The following SEZ6L variants were observed in gnomAD, a reference collection of about 807,000 sequenced individuals.
SEZ6L encodes seizure related 6 homolog like.
A neutral mutation model predicts 106.2 loss-of-function variants in SEZ6L; 37 were observed. That is an observed-to-expected ratio of 0.35 (90% CI 0.27 to 0.46). The LOEUF (loss-of-function observed/expected upper bound fraction) is 0.46. SEZ6L is among the 20% of genes least tolerant of loss of function. The pLI, the probability that SEZ6L is intolerant of heterozygous loss-of-function variation, is 1.00. For missense variants in SEZ6L, 1,172 were observed against 1,332.8 expected, an observed-to-expected ratio of 0.88 and a Z score of 1.88; for synonymous variants, 541 against 570.4, an observed-to-expected ratio of 0.95 and a Z score of 0.73.
At chr22:26,248,378 A>G (rs2079439273) in intron 1 of SEZ6L, among the ~76,000 whole-genome samples, 1 of 152,198 alleles carries the variant, frequency 6.6e-6, no homozygotes, top group Non-Finnish European at 1.5e-5. Flanking sequence ...AGAGAGAGAC[A>G]GGGTCTCACT....
At chr22:26,208,692 A>G (rs1941420418) in intron 1 of SEZ6L, among the ~76,000 whole-genome samples, 1 of 152,146 alleles carries the variant, frequency 6.6e-6, no homozygotes, top group Non-Finnish European at 1.5e-5. Context: ...TATGACATAC[A>G]TAGTCATAGT....
At chr22:26,229,645 C>G (rs907222947) in intron 1 of SEZ6L, among the ~76,000 whole-genome samples, 14 of 152,204 alleles carry the variant, frequency 9.2e-5, no homozygotes, top group African/African-American at 2.9e-4. Flanking sequence ...TGCACCTCAG[C>G]ATCCCTTAGG....
At chr22:26,275,022 A>T (rs907145081) in intron 1 of SEZ6L, among the ~76,000 whole-genome samples, 1 of 152,064 alleles carries the variant, frequency 6.6e-6, no homozygotes, top group African/African-American at 2.4e-5. Context: ...GTACACGAAG[A>T]CTCTAATCAA....
intron 12 of SEZ6L, among the ~76,000 whole-genome samples, chr22:26,357,273 C>T (rs2083468904): frequency 6.6e-6 from 1 of 152,134 alleles, no homozygotes; most frequent in African/African-American, 2.4e-5. Context: ...AATCCCACAG[C>T]ACCCCCTGTG....
At chr22:26,171,344 G>C (rs1445519005) in intron 1 of SEZ6L, among the ~76,000 whole-genome samples, 2 of 152,026 alleles carry the variant, frequency 1.3e-5, no homozygotes, top group African/African-American at 4.8e-5. Flanking sequence ...CAATGGCTTG[G>C]TGGCCTTGAA....
intron 9 of SEZ6L, among the ~76,000 whole-genome samples, chr22:26,315,844 G>A (rs2081982211): frequency 6.6e-6 from 1 of 152,006 alleles, no homozygotes; most frequent in South Asian, 2.1e-4. Context: ...AATCACTTGG[G>A]GCCAGGAGTT....
At chr22:26,212,685 T>A (rs1011204792) in intron 1 of SEZ6L, among the ~76,000 whole-genome samples, 2 of 152,134 alleles carry the variant, frequency 1.3e-5, no homozygotes, top group African/African-American at 4.8e-5. Flanking sequence ...GGCCTCCCAA[T>A]GTGGTGGGAT....
chr22:26,345,243 G>C (rs189791483), intron 10 of SEZ6L, among the ~76,000 whole-genome samples: 19 of 152,354 alleles, frequency 1.2e-4, no homozygotes, highest in African/African-American at 4.1e-4. Flanking sequence ...CTGAAGAACA[G>C]GAAGGTTAAG....
At chr22:26,365,706 T>C in intron 13 of SEZ6L, 140 bp downstream of exon 13, 1 of 661,918 alleles carries the variant, frequency 1.5e-6, no homozygotes, top group Non-Finnish European at 2.4e-6. Flanking sequence ...GACCCCCATC[T>C]CTACCAAAAA....
intron 9 of SEZ6L, among the ~76,000 whole-genome samples, chr22:26,317,943 G>A (rs2082050107): frequency 6.6e-6 from 1 of 152,062 alleles, no homozygotes; most frequent in African/African-American, 2.4e-5. Context: ...ATCATGAAGG[G>A]CCAGGCAACA....
chr22:26,196,748 A>G (rs1940607305), intron 1 of SEZ6L, among the ~76,000 whole-genome samples: 1 of 152,216 alleles, frequency 6.6e-6, no homozygotes, highest in Non-Finnish European at 1.5e-5. Context: ...CTATGGGTAC[A>G]GGGAGAAGCA....
At chr22:26,212,745 ACCCTGC>A (rs2078197178) in intron 1 of SEZ6L, among the ~76,000 whole-genome samples, 1 of 152,132 alleles carries the variant, frequency 6.6e-6, no homozygotes, top group Non-Finnish European at 1.5e-5. Flanking sequence ...TTGAAAGTAG[ACCCTGC>A]CCCTTGAGAA....
intron 1 of SEZ6L, among the ~76,000 whole-genome samples, chr22:26,170,942 A>G (rs1187360225): frequency 6.6e-6 from 1 of 152,078 alleles, no homozygotes; most frequent in East Asian, 1.9e-4. Flanking sequence ...TTCTCCGGGG[A>G]GTTCTGGACC....
chr22:26,294,551 T>G (rs2081235292), intron 3 of SEZ6L, 126 bp downstream of exon 3: 2 of 911,460 alleles, frequency 2.2e-6, no homozygotes, highest in Admixed American at 2.4e-5. Flanking sequence ...CAGGCCAACT[T>G]TAGCTGGGTT....
At chr22:26,305,902 C>G in intron 5 of SEZ6L, 77 bp from the exon 6 acceptor site, 5 of 1,389,418 alleles carry the variant, frequency 3.6e-6, no homozygotes, top group Non-Finnish European at 3.0e-6. Context: ...CTCTCTCTCT[C>G]TCTTTCTCTC....
intron 1 of SEZ6L, among the ~76,000 whole-genome samples, chr22:26,227,240 T>C (rs1490634970): frequency 2.6e-5 from 4 of 152,164 alleles, no homozygotes; most frequent in Admixed American, 6.5e-5. Context: ...CTGAAGGCTG[T>C]GTGGCCGCTT....
chr22:26,268,618 G>T (rs1175338227), intron 1 of SEZ6L, among the ~76,000 whole-genome samples: 3 of 152,168 alleles, frequency 2.0e-5, no homozygotes, highest in Non-Finnish European at 2.9e-5. Flanking sequence ...GGGCACATAG[G>T]CCAGGGTCTC....
intron 9 of SEZ6L, among the ~76,000 whole-genome samples, chr22:26,315,760 A>G (rs1026697067): frequency 2.0e-5 from 3 of 152,026 alleles, no homozygotes; most frequent in Non-Finnish European, 4.4e-5. Context: ...CTCACTCCTC[A>G]ATAAAGCTCA....
At chr22:26,327,399 CACATACACA>C (rs1183915366) in intron 9 of SEZ6L, among the ~76,000 whole-genome samples, 6 of 135,010 alleles carry the variant, frequency 4.4e-5, no homozygotes, top group South Asian at 2.3e-4. Flanking sequence ...ATACACACAC[CACATACACA>C]CCACACACAC....
Sources: allele counts gnomAD v4.1 joint callset (sites outside exome capture counted in the v4.1 genomes callset), GRCh38; gene constraint gnomAD v4.1.1; transcripts MANE v1.5; gene names NCBI Gene and HGNC (gene_info 2026-07-23, HGNC 2026-07-21).